Variants in C12orf42 observed in about 807,000 individuals in gnomAD.
C12orf42 encodes the protein uncharacterized protein C12orf42.
In C12orf42, 25 loss-of-function variants were observed where a neutral mutation model predicts 21.6. The ratio of observed to expected loss-of-function variants is 1.16; its 90% CI spans 0.84 to 1.62. The LOEUF (loss-of-function observed/expected upper bound fraction) is 1.62, where lower values mean the gene tolerates loss of function less well. C12orf42 is among the 40% of genes most tolerant of loss of function. The pLI is 0.00. For missense variants in C12orf42, 483 were observed against 459.3 expected (o/e 1.05, Z -0.47); for synonymous variants, 174 against 175.0 (o/e 0.99, Z 0.05).
At chr12:103,197,472 C>T in the C12orf42 span, among the ~76,000 whole-genome samples, 6 of 152,324 alleles carry the variant, frequency 3.9e-5, no homozygotes, top group Admixed American at 3.9e-4. Context: ...TGTTTTAATA[C>T]ATTCCTTAGA....
intron 2 of C12orf42, among the ~76,000 whole-genome samples, chr12:103,414,147 AT>A (rs1210045020): frequency 6.6e-6 from 1 of 151,020 alleles, no homozygotes; most frequent in African/African-American, 2.4e-5. Flanking sequence ...ACCAATATCT[AT>A]TTTTTTTTAT....
chr12:103,407,165 G>A (rs2048483584), intron 2 of C12orf42, among the ~76,000 whole-genome samples: 1 of 152,130 alleles, frequency 6.6e-6, no homozygotes, highest in African/African-American at 2.4e-5. Context: ...TCTTCACAGT[G>A]TTCAGGTGTC....
the C12orf42 span, chr12:103,167,981 G>T: frequency 2.2e-6 from 1 of 446,894 alleles, no homozygotes; most frequent in East Asian, 7.1e-5. Flanking sequence ...ACTGAATTCT[G>T]AAAAATTTCC....
chr12:103,332,919 A>G (rs1466908924), intron 4 of C12orf42, among the ~76,000 whole-genome samples: 1 of 152,220 alleles, frequency 6.6e-6, no homozygotes, highest in African/African-American at 2.4e-5. Flanking sequence ...TTGAGAATCA[A>G]ACGAACATTT....
rs548828530 is a variant in C12orf42, at chr12:103,475,515, A to G, written c.78+2834T>C. 3.0e-4 allele frequency among the ~76,000 whole-genome samples: 46 copies of G among 152,326 alleles called. 1 individual carries two copies. Among genetic ancestry groups the G allele is most frequent in the Admixed American group, 2.0e-3 (31 of 15,296 alleles). ...TGTGATTTAACATCTCTCTCACCGA[A>G]AAAGAGTGGTCCCAATAAATGACAC... On this transcript the variant is annotated intron_variant, in intron 2 of 5. Transcript: ENST00000548883.
chr12:103,435,706 G>A (rs1183086279), intron 2 of C12orf42, among the ~76,000 whole-genome samples: 1 of 151,288 alleles, frequency 6.6e-6, no homozygotes, highest in Non-Finnish European at 1.5e-5. Flanking sequence ...AGAGAAAAAA[G>A]AATAAAAAGA....
At chr12:103,559,700 C>G in the C12orf42 span, 1 of 152,242 alleles carries the variant, frequency 6.6e-6, no homozygotes, top group Non-Finnish European at 1.5e-5. Flanking sequence ...TCTCTCTTCA[C>G]TGGTGAATGG....
At chr12:103,168,533 G>A in the C12orf42 span, among the ~76,000 whole-genome samples, 1 of 152,052 alleles carries the variant, frequency 6.6e-6, no homozygotes, top group East Asian at 1.9e-4. Flanking sequence ...ATTCAACATG[G>A]CAAGGCAGTA....
At chr12:103,417,592 T>C (rs949846905) in intron 2 of C12orf42, among the ~76,000 whole-genome samples, 14 of 152,198 alleles carry the variant, frequency 9.2e-5, no homozygotes, top group African/African-American at 3.1e-4. Context: ...CACTCTCTTC[T>C]CTCCTATCCG....
chr12:103,525,375 GAC>G, the C12orf42 span, among the ~76,000 whole-genome samples: 32,361 of 152,032 alleles, frequency 0.21, 3,839 homozygotes, highest in Non-Finnish European at 0.27. Flanking sequence ...AATGCATTGT[GAC>G]ACCATAATTT....
chr12:103,506,467 A>G, the C12orf42 span, among the ~76,000 whole-genome samples: 37 of 152,080 alleles, frequency 2.4e-4, no homozygotes, highest in African/African-American at 8.0e-4. Flanking sequence ...AGATTATAAT[A>G]TCTTATCATA....
chr12:103,507,400 T>G, the C12orf42 span, among the ~76,000 whole-genome samples: 11 of 143,006 alleles, frequency 7.7e-5, no homozygotes, highest in Non-Finnish European at 1.5e-4. Context: ...TTGGGCACAG[T>G]GGGCCACCCC....
the C12orf42 span, among the ~76,000 whole-genome samples, chr12:103,083,755 T>C: frequency 7.9e-5 from 12 of 152,356 alleles, no homozygotes; most frequent in Non-Finnish European, 1.5e-4. Context: ...TCAGTAAATA[T>C]ATTGTACTGA....
chr12:103,206,111 T>G, the C12orf42 span, among the ~76,000 whole-genome samples: 1 of 152,184 alleles, frequency 6.6e-6, no homozygotes. Context: ...GCCTAGTGAC[T>G]AGGGTTTAGT....
At chr12:103,321,640 A>G (rs1191870456) in intron 4 of C12orf42, among the ~76,000 whole-genome samples, 1 of 142,292 alleles carries the variant, frequency 7.0e-6, no homozygotes, top group African/African-American at 2.7e-5. Context: ...GATAGACTGG[A>G]TTAAGAAAAT....
the C12orf42 span, among the ~76,000 whole-genome samples, chr12:103,216,361 C>A: frequency 1.3e-5 from 2 of 151,328 alleles, no homozygotes; most frequent in East Asian, 1.9e-4. Flanking sequence ...TGGTGGAGAA[C>A]AATACTTTTT....
chr12:103,483,330 G>A (rs990320785), intron 1 of C12orf42, among the ~76,000 whole-genome samples: 4 of 152,038 alleles, frequency 2.6e-5, no homozygotes, highest in South Asian at 2.1e-4. Context: ...AGGGGTATGT[G>A]TCTACTCTAC....
At chr12:103,272,452 T>C (rs1209549200) in intron 5 of C12orf42, among the ~76,000 whole-genome samples, 1 of 152,194 alleles carries the variant, frequency 6.6e-6, no homozygotes, top group Non-Finnish European at 1.5e-5. Context: ...GATCATTCGA[T>C]TTCTTACTGA....
the C12orf42 span, among the ~76,000 whole-genome samples, chr12:103,067,150 C>G: frequency 6.7e-3 from 1,023 of 152,284 alleles, 14 homozygotes; most frequent in African/African-American, 0.023. Context: ...TGGACCTCTT[C>G]CATTATGGAA....
Sources: allele counts gnomAD v4.1 joint callset (sites outside exome capture counted in the v4.1 genomes callset), GRCh38; gene constraint gnomAD v4.1.1; transcripts MANE v1.5; gene names NCBI Gene and HGNC (gene_info 2026-07-23, HGNC 2026-07-21).